KAT2B: variants seen among roughly 807,000 people sequenced by gnomAD.
KAT2B encodes histone acetyltransferase KAT2B.
In KAT2B, 36 loss-of-function variants were observed where a neutral mutation model predicts 105.9. That is an observed-to-expected ratio of 0.34 (90% confidence interval 0.26 to 0.45). KAT2B has a LOEUF of 0.45. KAT2B is among the 20% of genes least tolerant of loss of function. The pLI, the probability that KAT2B is intolerant of heterozygous loss-of-function variation, is 1.00. For synonymous variants in KAT2B, 397 were observed against 377.9 expected (o/e 1.05, Z -0.59); for missense variants, 820 against 1,021.6 (o/e 0.80, Z 2.69).
intron 1 of KAT2B, among the ~76,000 whole-genome samples, chr3:20,041,360 C>CG (rs1697716619): frequency 6.6e-6 from 1 of 152,044 alleles, no homozygotes; most frequent in African/African-American, 2.4e-5. Context: ...CGGCTGGGGG[C>CG]GGAGGCACTG....
intron 2 of KAT2B, among the ~76,000 whole-genome samples, chr3:20,093,080 T>TA (rs1298336476): frequency 6.6e-6 from 1 of 152,202 alleles, no homozygotes; most frequent in Non-Finnish European, 1.5e-5. Context: ...CCTTGGTGTT[T>TA]AATCCTCTTA....
chr3:20,141,221 A>C lies in KAT2B; in HGVS notation c.2004+857A>C, dbSNP rs527862313. On this transcript the variant is annotated intron_variant, in intron 13 of 17. Coordinates refer to ENST00000263754, the MANE Select transcript of KAT2B (RefSeq NM_003884.5). ...TATTAATCTCTGCTTTTACTTGGCA[A>C]GTTCTGAAGGCTTATCCTTCTAGGT... Among the ~76,000 whole-genome samples the C allele has an allele frequency of 4.1e-4, 62 of 152,322 alleles. 1 individual carries two copies. The South Asian group carries it at 0.013, about 31-fold the overall frequency.
At chr3:20,119,815 C>A in intron 8 of KAT2B, 92 bp downstream of exon 8, 2 of 1,359,056 alleles carry the variant, frequency 1.5e-6, no homozygotes, top group Non-Finnish European at 1.0e-6. Flanking sequence ...GAACCAAGTA[C>A]AGATTGTGCA....
rs754313473 is a variant in KAT2B at position 20,099,930 on chromosome 3, A to G, written c.645A>G (p.Pro215=). 31 of 1,605,070 alleles carry G rather than the reference A, an allele frequency of 1.9e-5. No homozygotes were observed. The highest frequency in any genetic ancestry group is 1.3e-5 in the African/African-American group (1 of 74,698). ...VVEGSLEKKP[P]FEKPSIEQGV... ...AAGGCTCTTTGGAAAAGAAACCCCC[A>G]TTTGAAAAACCTAGCATTGAACAGG... The change falls in exon 4 of 18, where the codon CCA becomes CCG. Residue 215 remains proline, a synonymous_variant. Transcript: ENST00000263754.
At chr3:20,107,385 C>T (rs113210788) in intron 5 of KAT2B, among the ~76,000 whole-genome samples, 4 of 151,254 alleles carry the variant, frequency 2.6e-5, no homozygotes, top group Admixed American at 6.6e-5. Context: ...CAGCTGGGAG[C>T]GGTGGCCCAC....
chr3:20,057,419 G>A (rs1438695316), intron 1 of KAT2B, among the ~76,000 whole-genome samples: 1 of 152,100 alleles, frequency 6.6e-6, no homozygotes, highest in African/African-American at 2.4e-5. Context: ...AGGAAACAAC[G>A]TATAAGGCAC....
At chr3:20,066,396 G>A (rs536892977) in intron 1 of KAT2B, among the ~76,000 whole-genome samples, 19 of 152,124 alleles carry the variant, frequency 1.2e-4, no homozygotes, top group African/African-American at 4.3e-4. Context: ...AGGGGAACAT[G>A]AACTTTATTT....
At chr3:20,083,000 G>A (rs1191981410) in intron 2 of KAT2B, among the ~76,000 whole-genome samples, 2 of 152,122 alleles carry the variant, frequency 1.3e-5, no homozygotes, top group African/African-American at 2.4e-5. Flanking sequence ...AACAGTAGGG[G>A]GTGCTTATTA....
intron 9 of KAT2B, among the ~76,000 whole-genome samples, chr3:20,125,543 G>T (rs534256541): frequency 5.2e-4 from 79 of 152,282 alleles, no homozygotes; most frequent in African/African-American, 1.6e-3. Context: ...GGATGCTTTT[G>T]CATTATAGCA....
Position 20,093,749 on chromosome 3 carries a change from T to C in KAT2B, c.431-1514T>C, listed in dbSNP as rs185525940. Among the ~76,000 whole-genome samples the C allele has an allele frequency of 9.8e-5, 15 of 152,364 alleles. 1 individual carries two copies. In the East Asian group the frequency reaches 2.7e-3, roughly 27 times the overall value. ...TTTCAAGCACTTTAATCTTCAAGCA[T>C]TTTTAAGCCAGCACACTTAGAGCTA... is the stretch of plus-strand genomic sequence containing the variant. On this transcript the variant is annotated intron_variant, in intron 2 of 17. Coordinates refer to ENST00000263754, the MANE Select transcript of KAT2B (RefSeq NM_003884.5).
At chr3:20,136,860 A>C in intron 11 of KAT2B, 82 bp from the exon 12 acceptor site, 1 of 667,670 alleles carries the variant, frequency 1.5e-6, no homozygotes, top group Non-Finnish European at 2.7e-6. Flanking sequence ...AAACTTCTGA[A>C]TTCACCATCA....
chr3:20,062,125 TA>T (rs1322081416), intron 1 of KAT2B, among the ~76,000 whole-genome samples: 1 of 73,966 alleles, frequency 1.4e-5, no homozygotes, highest in African/African-American at 5.9e-5. Context: ...ATAAAACATA[TA>T]TATATAAAAT....
intron 5 of KAT2B, among the ~76,000 whole-genome samples, chr3:20,107,000 TATATATATATATATA>T (rs1240990495): frequency 9.5e-5 from 4 of 42,064 alleles, no homozygotes; most frequent in African/African-American, 3.9e-4. Context: ...TATATATATA[TATATATATATATATA>T]TTTTTTTTTT....
intron 2 of KAT2B, among the ~76,000 whole-genome samples, chr3:20,091,945 A>T (rs1038486154): frequency 3.3e-5 from 5 of 152,120 alleles, no homozygotes; most frequent in African/African-American, 1.2e-4. Context: ...AGTTGGTATG[A>T]TTTCAGTCTT....
At chr3:20,067,485 G>C (rs1398208379) in intron 1 of KAT2B, among the ~76,000 whole-genome samples, 1 of 151,834 alleles carries the variant, frequency 6.6e-6, no homozygotes, top group Non-Finnish European at 1.5e-5. Flanking sequence ...TTTTTTTCTG[G>C]GCTGACTGAA....
rs776457966 is a variant in KAT2B, at chr3:20,136,968, T to C, written c.1776T>C (p.His592=). The change falls in exon 12 of 18, where the codon CAT becomes CAC. Residue 592 remains histidine (H), a synonymous_variant. Transcript: ENST00000263754. ...VKGYGTHLMN[H]LKEYHIKHDI... ...GCTATGGAACACACCTGATGAATCATTTGAAAGAATATCACATAAAGCATG... is the reference window on the plus strand; with the variant it reads ...GCTATGGAACACACCTGATGAATCACTTGAAAGAATATCACATAAAGCATG... The C allele has an allele frequency of 6.2e-7, 1 of 1,607,680 alleles. No individual in the cohort carries two copies. Among genetic ancestry groups the C allele is most frequent in the African/African-American group, 1.3e-5 (1 of 74,928 alleles).
chr3:20,129,202 T>A (rs1328608545), intron 11 of KAT2B, among the ~76,000 whole-genome samples: 1 of 151,874 alleles, frequency 6.6e-6, no homozygotes, highest in African/African-American at 2.4e-5. Flanking sequence ...TGCTTTTAAA[T>A]TTTCTAGTAG....
chr3:20,113,683 T>C (rs994315317), intron 6 of KAT2B, among the ~76,000 whole-genome samples: 6 of 152,208 alleles, frequency 3.9e-5, no homozygotes, highest in African/African-American at 1.4e-4. Context: ...GAGGTATTAT[T>C]TGAGTCTTGG....
intron 2 of KAT2B, among the ~76,000 whole-genome samples, chr3:20,084,058 AT>A (rs1698571295): frequency 6.6e-6 from 1 of 152,108 alleles, no homozygotes; most frequent in South Asian, 2.1e-4. Context: ...GCTGAAAAGG[AT>A]TTTTGGTCAA....
Sources: allele counts gnomAD v4.1 joint callset (sites outside exome capture counted in the v4.1 genomes callset), GRCh38; gene constraint gnomAD v4.1.1; transcripts MANE v1.5; gene names NCBI Gene and HGNC (gene_info 2026-07-23, HGNC 2026-07-21).